The following ZNF493 variants were observed in gnomAD, a reference collection of about 807,000 sequenced individuals.
The protein encoded by ZNF493 is zinc finger protein 493.
In ZNF493, 11 loss-of-function variants were observed where a neutral mutation model predicts 12.2. The ratio of observed to expected loss-of-function variants is 0.90; its 90% CI spans 0.57 to 1.50. ZNF493 has a LOEUF of 1.50. ZNF493 is among the 40% of genes most tolerant of loss of function. The pLI is 0.00. For missense variants in ZNF493, 950 were observed against 906.6 expected, an observed-to-expected ratio of 1.05 and a Z score of -0.61; for synonymous variants, 286 against 302.6, an observed-to-expected ratio of 0.95 and a Z score of 0.57.
In ZNF493 at chr19:21,424,642, A is replaced by G. The variant is rs61735754; in HGVS notation, c.1983A>G (p.Glu661=). The G allele has an allele frequency of 8.1e-6, 13 of 1,613,846 alleles. No individual in the cohort carries two copies. Among genetic ancestry groups the G allele is most frequent in the Middle Eastern group, 1.6e-4 (1 of 6,062 alleles). ...HSVQKPYKCE[E]CGKAFSIFST... is the part of the protein sequence containing the mutation. ...TACAAAAACCCTACAAATGTGAAGAATGTGGCAAAGCCTTTAGTATATTCT... is the reference window on the plus strand; with the variant it reads ...TACAAAAACCCTACAAATGTGAAGAGTGTGGCAAAGCCTTTAGTATATTCT... Residue 661 remains glutamate (E), a synonymous_variant, in exon 4 of 4, where the codon GAA becomes GAG. Coordinates refer to ENST00000392288, the MANE Select transcript of ZNF493 (RefSeq NM_001076678.3).
Position 21,425,200 on chromosome 19 carries a change from G to T in ZNF493, c.*216G>T. The T allele has an allele frequency of 1.5e-6, 1 of 649,108 alleles. No individual in the cohort carries two copies. Among genetic ancestry groups the T allele is most frequent in the Non-Finnish European group, 2.7e-6 (1 of 366,390 alleles). The allele number at this position is 649,108 out of a possible 1,614,324, so 40.2% of individuals were successfully genotyped here. Reference sequence around the variant, plus strand: ...GAGAAATTCTACAGATGTGAAGAATGTGGCAAAGGCTTTAATTAGTTCTCA... The same window carrying T: ...GAGAAATTCTACAGATGTGAAGAATTTGGCAAAGGCTTTAATTAGTTCTCA... On this transcript the variant is annotated 3_prime_UTR_variant, in exon 4 of 4. Transcript: ENST00000392288.
Position 21,423,255 on chromosome 19 carries a change from A to C in ZNF493, c.596A>C (p.Gln199Pro). 1 of 1,613,778 alleles carries C rather than the reference A, an allele frequency of 6.2e-7. No individual in the cohort carries two copies. The highest frequency in any genetic ancestry group is 8.5e-7 in the Non-Finnish European group (1 of 1,179,856). Reference protein sequence around the residue: ...KSFCMLLHLCQHKRIHIRENS... With the variant: ...KSFCMLLHLCPHKRIHIRENS... ...TTTTGCATGCTTTTACACCTATGTC[A>C]GCATAAAAGAATTCATATTAGAGAG... Residue 199 changes from glutamine (Q) to proline (P), a missense_variant, in exon 4 of 4, where the codon CAG becomes CCG. By Grantham distance (76) the Gln-to-Pro change is moderately conservative. Coordinates refer to ENST00000392288, the MANE Select transcript of ZNF493 (RefSeq NM_001076678.3).
chr19:21,410,330 A>G (rs539955171), intron 3 of ZNF493, among the ~76,000 whole-genome samples: 2 of 152,234 alleles, frequency 1.3e-5, no homozygotes, highest in African/African-American at 2.4e-5. Context: ...TCTACTAACA[A>G]TCAACATAGG....
chr19:21,411,333 T>G (rs2145284818), intron 3 of ZNF493, among the ~76,000 whole-genome samples: 1 of 152,288 alleles, frequency 6.6e-6, no homozygotes, highest in East Asian at 1.9e-4. Flanking sequence ...TTTGTTATTG[T>G]AGCTTTTAAT....
chr19:21,425,283 T>C lies in ZNF493; in HGVS notation c.*299T>C. ...AGAGAAATCCTACAAATATGAAGAA[T>C]GTGACAAAGCTTTTAACCACTTCTC... is the stretch of plus-strand genomic sequence containing the variant. On this transcript the variant is annotated 3_prime_UTR_variant, in exon 4 of 4. Coordinates refer to ENST00000392288, the MANE Select transcript of ZNF493 (RefSeq NM_001076678.3). 2.1e-6 allele frequency: 1 copy of C among 470,144 alleles called. No homozygotes were observed. The highest frequency in any genetic ancestry group is 2.2e-5 in the South Asian group (1 of 44,936). The allele number at this position is 470,144 out of a possible 1,614,324, so 29.1% of individuals were successfully genotyped here. A position where few individuals can be genotyped will look rare whatever the true frequency, so the allele number is the denominator to read the frequency against.
chr19:21,413,678 T>G, intron 3 of ZNF493: 1 of 405,822 alleles, frequency 2.5e-6, no homozygotes, highest in South Asian at 1.1e-4. Flanking sequence ...AATCAGCTGT[T>G]GATTTTGGCC....
intron 3 of ZNF493, chr19:21,408,892 T>C (rs1370548354): frequency 4.3e-6 from 4 of 930,798 alleles, no homozygotes; most frequent in Admixed American, 6.2e-5. Context: ...TTTTTTTTTT[T>C]TTTTTTTTAA....
chr19:21,398,754 T>A, intron 1 of ZNF493: 1 of 200,456 alleles, frequency 5.0e-6, no homozygotes, highest in Non-Finnish European at 1.0e-5. Context: ...GGCTTCCATT[T>A]CTTGGAGACA....
Position 21,423,867 on chromosome 19 carries a change from A to T in ZNF493, c.1208A>T (p.Lys403Ile), listed in dbSNP as rs201026276. 2 of 1,613,590 alleles carry T rather than the reference A, an allele frequency of 1.2e-6. No individual in the cohort carries two copies. Among genetic ancestry groups the T allele is most frequent in the Non-Finnish European group, 1.7e-6 (2 of 1,179,720 alleles). ...CATAAGATAATTCACACTGAAGAGA[A>T]ATCCCACAGATGTGAAGAATGTGGC... ...TKHKIIHTEE[K>I]SHRCEECGKA... The change falls in exon 4 of 4, where the codon AAA becomes ATA. Residue 403 changes from lysine to isoleucine, a missense_variant. Lys to Ile is a moderately radical substitution (Grantham distance 102). Coordinates refer to ENST00000392288, the MANE Select transcript of ZNF493 (RefSeq NM_001076678.3).
intron 3 of ZNF493, chr19:21,413,317 T>C (rs2030383882): frequency 2.6e-6 from 1 of 390,960 alleles, no homozygotes; most frequent in Non-Finnish European, 4.5e-6. Flanking sequence ...CCAGGCATTA[T>C]TACCAGCCAA....
At chr19:21,410,340 G>A (rs911577034) in intron 3 of ZNF493, among the ~76,000 whole-genome samples, 3 of 151,810 alleles carry the variant, frequency 2.0e-5, no homozygotes, top group Non-Finnish European at 4.4e-5. Flanking sequence ...ATCAACATAG[G>A]TTTCATTTTT....
At chr19:21,410,539 C>G (rs1211142618) in intron 3 of ZNF493, among the ~76,000 whole-genome samples, 1 of 151,962 alleles carries the variant, frequency 6.6e-6, no homozygotes, top group Non-Finnish European at 1.5e-5. Context: ...ATTTGCTCAT[C>G]TATAAATTAA....
chr19:21,405,671 T>C, intron 2 of ZNF493, 90 bp from the exon 3 acceptor site: 1 of 1,151,048 alleles, frequency 8.7e-7, no homozygotes, highest in Middle Eastern at 2.1e-4. Context: ...TTCTAGAATA[T>C]TCTATTACAT....
At chr19:21,417,898 T>G (rs2030541899) in intron 3 of ZNF493, among the ~76,000 whole-genome samples, 1 of 152,196 alleles carries the variant, frequency 6.6e-6, no homozygotes, top group Non-Finnish European at 1.5e-5. Context: ...AAGAGTCTTA[T>G]TACAAAAGGA....
chr19:21,421,319 G>C (rs535939511), intron 3 of ZNF493, among the ~76,000 whole-genome samples: 163 of 151,930 alleles, frequency 1.1e-3, no homozygotes, highest in African/African-American at 3.8e-3. Context: ...CACTCATTGA[G>C]TGTTACTGAA....
At chr19:21,413,568 T>C (rs1417948655) in intron 3 of ZNF493, 2 of 407,238 alleles carry the variant, frequency 4.9e-6, no homozygotes, top group Admixed American at 8.8e-5. Context: ...TCAGCATCAA[T>C]CTTGACATGG....
At chr19:21,422,033 A>T (rs2145307691) in intron 3 of ZNF493, among the ~76,000 whole-genome samples, 1 of 152,204 alleles carries the variant, frequency 6.6e-6, no homozygotes, top group East Asian at 1.9e-4. Context: ...TTCAGTAGAG[A>T]TGGGGTTTCA....
chr19:21,426,938 T>C lies in ZNF493; in HGVS notation c.*1954T>C, dbSNP rs2030870245. The C allele has an allele frequency of 6.1e-6, 1 of 163,308 alleles. No homozygotes were observed. Among genetic ancestry groups the C allele is most frequent in the Non-Finnish European group, 1.5e-5 (1 of 66,022 alleles). The allele number at this position is 163,308 out of a possible 1,614,324, so 10.1% of individuals were successfully genotyped here. A position where few individuals can be genotyped will look rare whatever the true frequency, so the allele number is the denominator to read the frequency against. On this transcript the variant is annotated 3_prime_UTR_variant, in exon 4 of 4. Coordinates refer to ENST00000392288, the MANE Select transcript of ZNF493 (RefSeq NM_001076678.3). Reference sequence around the variant, plus strand: ...GATTTTTTGTAGAATAATAACTATATTCGGATTATACTTTGTTTCTTGAAA... The same window carrying C: ...GATTTTTTGTAGAATAATAACTATACTCGGATTATACTTTGTTTCTTGAAA...
chr19:21,397,157 TCCAGGTCTA>T lies in ZNF493; in HGVS notation c.-78_-70del. ...CATTGTTTCTCTCTGCTGCCGGAGC[TCCAGGTCTA>T]CCCTTCACTGCTCTGTGTCCTCAGC... On this transcript the variant is annotated 5_prime_UTR_variant, in exon 1 of 4. Transcript: ENST00000392288. 1.3e-6 allele frequency: 2 copies of T among 1,541,640 alleles called. No individual in the cohort carries two copies. The highest frequency in any genetic ancestry group is 9.0e-7 in the Non-Finnish European group (1 of 1,114,344).
Sources: gnomAD v4.1 joint callset for allele counts (sites outside exome capture counted in the v4.1 genomes callset) on GRCh38, gnomAD v4.1.1 for gene constraint, MANE v1.5 for transcripts, NCBI Gene and HGNC (gene_info 2026-07-23, HGNC 2026-07-21) for gene names.